The following IPO11 variants were observed in gnomAD, a reference collection of about 807,000 sequenced individuals.
The protein encoded by IPO11 is importin-11.
Under a neutral mutation model 143.2 loss-of-function variants are expected in IPO11, and 66 were observed. The ratio of observed to expected loss-of-function variants is 0.46; its 90% CI spans 0.38 to 0.57. The LOEUF (loss-of-function observed/expected upper bound fraction) is 0.57. IPO11 is among the 20% of genes least tolerant of loss of function. IPO11 has a pLI of 0.00. For missense variants in IPO11, 1,026 were observed against 1,141.0 expected, an observed-to-expected ratio of 0.90 and a Z score of 1.45; for synonymous variants, 385 against 377.8, an observed-to-expected ratio of 1.02 and a Z score of -0.22.
intron 27 of IPO11, among the ~76,000 whole-genome samples, chr5:62,588,801 G>A (rs114910098): frequency 6.6e-6 from 1 of 152,118 alleles, no homozygotes; most frequent in Non-Finnish European, 1.5e-5. Flanking sequence ...TACAGATCGG[G>A]GCTGTTACAA....
chr5:62,607,417 A>T lies in IPO11; in HGVS notation c.2763+5569A>T, dbSNP rs539515868. On this transcript the variant is annotated intron_variant, in intron 29 of 29. Transcript: ENST00000325324. The stretch of plus-strand genomic sequence containing the variant: ...TGGATGATTTTGACCACTGAGAACC[A>T]GTAGATTGATTCTTTTGCCTGCTCC... 1.1e-4 allele frequency among the ~76,000 whole-genome samples: 17 copies of T among 152,238 alleles called. 1 individual carries two copies. The South Asian group carries it at 3.3e-3, about 30-fold the overall frequency.
In IPO11 at chr5:62,493,993, T is replaced by G; in HGVS notation, c.1464-5T>G. ...ATTTTAATTTCATGATTTTTTCCTG[T>G]TTAGGTATAAGCCATTGCGACGCAG... On this transcript the variant is annotated splice_polypyrimidine_tract_variant and splice_region_variant and intron_variant, in intron 15 of 29. Transcript: ENST00000325324. 1 of 1,602,166 alleles carries G rather than the reference T, an allele frequency of 6.2e-7. No homozygotes were observed. Among genetic ancestry groups the G allele is most frequent in the Non-Finnish European group, 8.5e-7 (1 of 1,175,520 alleles).
At chr5:62,469,276 TGCA>T (rs1233095194) in intron 6 of IPO11, among the ~76,000 whole-genome samples, 28 of 152,208 alleles carry the variant, frequency 1.8e-4, no homozygotes, top group African/African-American at 6.5e-4. Flanking sequence ...GAAAACTTAC[TGCA>T]TCGTTATGAT....
At chr5:62,618,100 G>T (rs1377164933) in intron 29 of IPO11, among the ~76,000 whole-genome samples, 5 of 152,054 alleles carry the variant, frequency 3.3e-5, no homozygotes. Context: ...GCATATTCTA[G>T]GCTAACAAAG....
Position 62,484,047 on chromosome 5 carries a change from G to C in IPO11, c.1059G>C (p.Lys353Asn). The C allele has an allele frequency of 6.2e-7, 1 of 1,609,090 alleles. No homozygotes were observed. The highest frequency in any genetic ancestry group is 1.1e-5 in the South Asian group (1 of 89,742). Reference sequence around the variant, plus strand: ...AAACTCTTGAAGCCCATAAGATTAAGATGGCATTCTTCACATATCCTACTT... The same window carrying C: ...AAACTCTTGAAGCCCATAAGATTAACATGGCATTCTTCACATATCCTACTT... ...SPETLEAHKI[K>N]MAFFTYPTLT... The change falls in exon 11 of 30, where the codon AAG becomes AAC. Residue 353 changes from lysine to asparagine, a missense_variant. By Grantham distance (94) the Lys-to-Asn change is moderately conservative (BLOSUM62 0). This residue lies in a region of IPO11 where 429 missense variants were observed against 456.3 expected (regional missense o/e 0.94). Transcript: ENST00000325324.
intron 1 of IPO11, among the ~76,000 whole-genome samples, chr5:62,416,101 C>T (rs369334199): frequency 6.6e-6 from 1 of 151,960 alleles, no homozygotes; most frequent in East Asian, 1.9e-4. Flanking sequence ...AGATGGCCAC[C>T]TTCTTGCTGC....
intron 27 of IPO11, among the ~76,000 whole-genome samples, chr5:62,564,785 A>C (rs188239766): frequency 1.3e-5 from 2 of 152,174 alleles, no homozygotes; most frequent in Admixed American, 1.3e-4. Context: ...AAGAATGACC[A>C]TTTGGGAAAT....
chr5:62,616,968 C>T (rs1746165481), intron 29 of IPO11, among the ~76,000 whole-genome samples: 1 of 152,158 alleles, frequency 6.6e-6, no homozygotes, highest in African/African-American at 2.4e-5. Context: ...ATTAAACTTT[C>T]TTGCCTTTAA....
At chr5:62,465,478 G>A (rs183121836) in intron 5 of IPO11, among the ~76,000 whole-genome samples, 670 of 152,246 alleles carry the variant, frequency 4.4e-3, no homozygotes, top group South Asian at 0.017. Flanking sequence ...CAGAGTGAAT[G>A]TTTGCTTCTC....
chr5:62,427,166 C>G (rs995470404), intron 1 of IPO11, among the ~76,000 whole-genome samples: 2 of 151,810 alleles, frequency 1.3e-5, no homozygotes, highest in Admixed American at 6.6e-5. Flanking sequence ...TCTCGAGCTC[C>G]TTACCTCAGG....
intron 1 of IPO11, among the ~76,000 whole-genome samples, chr5:62,434,481 G>T (rs1744103578): frequency 6.6e-6 from 1 of 151,920 alleles, no homozygotes. Context: ...TGTATTTTCT[G>T]TAGAGACGGG....
intron 1 of IPO11, among the ~76,000 whole-genome samples, chr5:62,435,134 A>ATGTATATATATG (rs1561308880): frequency 2.2e-5 from 2 of 91,288 alleles, no homozygotes; most frequent in African/African-American, 1.2e-4. Context: ...ATGTATATAT[A>ATGTATATATATG]TGTATATATG....
At chr5:62,613,298 C>T (rs372433538) in intron 29 of IPO11, among the ~76,000 whole-genome samples, 34 of 69,088 alleles carry the variant, frequency 4.9e-4, no homozygotes, top group East Asian at 9.1e-4. Flanking sequence ...ACATGCTCTT[C>T]TTTTTTTTTT....
At chr5:62,615,820 C>T in intron 29 of IPO11, among the ~76,000 whole-genome samples, 1 of 152,128 alleles carries the variant, frequency 6.6e-6, no homozygotes, top group East Asian at 1.9e-4. Context: ...GCTTCCTTAT[C>T]CTATCTCAGG....
intron 26 of IPO11, among the ~76,000 whole-genome samples, chr5:62,557,276 C>G (rs557818519): frequency 6.6e-6 from 1 of 152,036 alleles, no homozygotes; most frequent in Non-Finnish European, 1.5e-5. Flanking sequence ...CTCCACCTCC[C>G]GGGTTCAAGT....
intron 28 of IPO11, among the ~76,000 whole-genome samples, chr5:62,592,491 G>A (rs751579997): frequency 2.1e-4 from 32 of 152,130 alleles, no homozygotes; most frequent in Non-Finnish European, 3.8e-4. Flanking sequence ...AATTTTTTGA[G>A]ACTACAAACC....
chr5:62,430,156 G>A (rs957641073), intron 1 of IPO11, among the ~76,000 whole-genome samples: 1 of 152,200 alleles, frequency 6.6e-6, no homozygotes, highest in African/African-American at 2.4e-5. Flanking sequence ...CTGTATACGA[G>A]TTTTTGTATG....
At chr5:62,616,823 C>T (rs1190102800) in intron 29 of IPO11, among the ~76,000 whole-genome samples, 2 of 151,452 alleles carry the variant, frequency 1.3e-5, no homozygotes, top group Non-Finnish European at 2.9e-5. Context: ...TTTGCTCTGT[C>T]AGCAGATGGT....
intron 27 of IPO11, among the ~76,000 whole-genome samples, chr5:62,589,713 G>A (rs919996142): frequency 2.0e-5 from 3 of 152,120 alleles, no homozygotes; most frequent in African/African-American, 7.2e-5. Context: ...GCCCCCTAGA[G>A]GAGAAGTCTG....
Sources: gnomAD v4.1 joint callset for allele counts (sites outside exome capture counted in the v4.1 genomes callset) on GRCh38, gnomAD v4.1.1 for gene constraint, gnomAD v4.1.1 regional missense constraint, MANE v1.5 for transcripts, NCBI Gene and HGNC (gene_info 2026-07-23, HGNC 2026-07-21) for gene names.